The following OR52E5 variants were observed in gnomAD, a reference collection of about 807,000 sequenced individuals.
The protein encoded by OR52E5 is olfactory receptor 52E5.
chr11:5,899,280 T>G (rs778543500), intron 2 of OR52E5, among the ~76,000 whole-genome samples: 25 of 152,314 alleles, frequency 1.6e-4, no homozygotes, highest in Non-Finnish European at 3.4e-4. Flanking sequence ...GTTGATTTTG[T>G]GATACTAACT....
intron 2 of OR52E5, among the ~76,000 whole-genome samples, chr11:5,896,494 A>T (rs1008919442): frequency 6.6e-6 from 1 of 151,924 alleles, no homozygotes; most frequent in Non-Finnish European, 1.5e-5. Context: ...AATCTTTGTA[A>T]CTGTAAGGAT....
At chr11:5,893,967 T>C (rs1313182149) in intron 1 of OR52E5, among the ~76,000 whole-genome samples, 1 of 152,162 alleles carries the variant, frequency 6.6e-6, no homozygotes, top group African/African-American at 2.4e-5. Flanking sequence ...GGCTTCTTTA[T>C]AAGCATATTT....
At position 5,895,671 on chromosome 11, in the gene OR52E5, C is replaced by T. The variant is rs77212005; in HGVS notation, c.-188C>T. 2.0e-5 allele frequency: 3 copies of T among 152,136 alleles called. No individual in the cohort carries two copies. Among genetic ancestry groups the T allele is most frequent in the Non-Finnish European group, 4.4e-5 (3 of 68,030 alleles). 9.4% of individuals were successfully genotyped at this position (152,136 alleles called of 1,614,324 possible). On this transcript the variant is annotated 5_prime_UTR_variant, in exon 2 of 3. Transcript: ENST00000610445. ...TATTGGCATTTATGGTTGACCCCTG[C>T]GGAAGCATTACATTGGAGGAAACAC...
At position 5,901,318 on chromosome 11, in the gene OR52E5, G is replaced by A. The variant is rs536856612; in HGVS notation, c.542G>A (p.Cys181Tyr). Residue 181 changes from cysteine (C) to tyrosine (Y), a missense_variant, in exon 3 of 3, where the codon TGT (cysteine) becomes TAT (tyrosine). Coordinates refer to ENST00000610445, the MANE Select transcript of OR52E5 (RefSeq NM_001005166.5). ...GTCCGGATTATCCCTCATACCTATT[G>A]TGAACACATGGGCTTGGCAAAGTTA... Reference protein sequence around the residue: ...CGVRIIPHTYCEHMGLAKLAC... With the variant: ...CGVRIIPHTYYEHMGLAKLAC... The A allele has an allele frequency of 6.0e-5, 24 of 401,708 alleles. No homozygotes were observed. Among genetic ancestry groups the A allele is most frequent in the African/African-American group, 4.5e-4 (22 of 48,774 alleles). The allele number at this position is 401,708 out of a possible 1,614,324, so 24.9% of individuals were successfully genotyped here.
intron 2 of OR52E5, among the ~76,000 whole-genome samples, chr11:5,897,316 T>C (rs936796852): frequency 1.3e-5 from 2 of 152,232 alleles, no homozygotes; most frequent in African/African-American, 4.8e-5. Flanking sequence ...CTCTAGTGTC[T>C]GTTGTTTCCA....
At chr11:5,900,547 C>T (rs989961519) in intron 2 of OR52E5, 85 bp from the exon 3 acceptor site, 9 of 357,920 alleles carry the variant, frequency 2.5e-5, no homozygotes, top group Non-Finnish European at 4.0e-5. Flanking sequence ...ATTTTGGAAA[C>T]TTTCTGCATG....
chr11:5,901,716 T>G lies in OR52E5; in HGVS notation c.940T>G (p.Phe314Val), dbSNP rs964991420. 4.7e-5 allele frequency: 19 copies of G among 400,848 alleles called. No homozygotes were observed. Among genetic ancestry groups the G allele is most frequent in the Non-Finnish European group, 7.5e-5 (17 of 226,226 alleles). 24.8% of individuals were successfully genotyped at this position (400,848 alleles called of 1,614,324 possible). A position where few individuals can be genotyped will look rare whatever the true frequency, so the allele number is the denominator to read the frequency against. Residue 314 changes from phenylalanine (F) to valine (V), a missense_variant, in exon 3 of 3, where the codon TTT (phenylalanine) becomes GTT (valine). Transcript: ENST00000610445. ...ACTCAACCCTAAAAGCTTTTGGCATTTTGACCCCAAGAGGATCTTCCACAA... is the reference window on the plus strand; with the variant it reads ...ACTCAACCCTAAAAGCTTTTGGCATGTTGACCCCAAGAGGATCTTCCACAA... The part of the protein sequence containing the change: ...RILNPKSFWH[F>V]DPKRIFHNNS...
chr11:5,894,577 G>C (rs2134287068), intron 1 of OR52E5, among the ~76,000 whole-genome samples: 1 of 152,266 alleles, frequency 6.6e-6, no homozygotes, highest in African/African-American at 2.4e-5. Flanking sequence ...TATGAAGAAA[G>C]ACATAGAGAA....
chr11:5,896,036 G>A (rs1397135407), intron 2 of OR52E5, among the ~76,000 whole-genome samples: 1 of 151,826 alleles, frequency 6.6e-6, no homozygotes, highest in Non-Finnish European at 1.5e-5. Context: ...GAAACAGAGA[G>A]AGACTCCATC....
intron 1 of OR52E5, among the ~76,000 whole-genome samples, chr11:5,895,289 AG>A (rs1847158658): frequency 6.6e-6 from 1 of 152,244 alleles, no homozygotes; most frequent in Non-Finnish European, 1.5e-5. Flanking sequence ...GAAAAATAAT[AG>A]CTGTTGGATT....
At chr11:5,898,447 T>A (rs888765778) in intron 2 of OR52E5, among the ~76,000 whole-genome samples, 1 of 152,192 alleles carries the variant, frequency 6.6e-6, no homozygotes, top group African/African-American at 2.4e-5. Context: ...TGTAAGTAAA[T>A]CCCATTTGTT....
intron 2 of OR52E5, among the ~76,000 whole-genome samples, chr11:5,897,001 C>A (rs149199043): frequency 1.4e-4 from 22 of 152,230 alleles, no homozygotes; most frequent in African/African-American, 5.1e-4. Flanking sequence ...TAGTAAAAGA[C>A]AAAATGTAAA....
chr11:5,895,898 A>T (rs1190403466), intron 2 of OR52E5, among the ~76,000 whole-genome samples, 185 bp downstream of exon 2: 1 of 152,044 alleles, frequency 6.6e-6, no homozygotes, highest in African/African-American at 2.4e-5. Flanking sequence ...AAAATACAAA[A>T]ATTAGCCGGG....
rs1847236226 is a variant in OR52E5, at chr11:5,900,616, C to T, written c.-145-16C>T. The stretch of plus-strand genomic sequence containing the variant: ...TGAGAGTGTCTTTTTAACTATATTT[C>T]ATATTCCCTCTCTAGGTCTCTTATG... On this transcript the variant is annotated splice_polypyrimidine_tract_variant and intron_variant, in intron 2 of 2. Coordinates refer to ENST00000610445, the MANE Select transcript of OR52E5 (RefSeq NM_001005166.5). The T allele has an allele frequency of 2.5e-6, 1 of 394,236 alleles. No individual in the cohort carries two copies. The highest frequency in any genetic ancestry group is 3.6e-5 in the East Asian group (1 of 27,894). 24.4% of individuals were successfully genotyped at this position (394,236 alleles called of 1,614,324 possible).
intron 2 of OR52E5, among the ~76,000 whole-genome samples, 154 bp downstream of exon 2, chr11:5,895,867 A>G (rs532023336): frequency 2.7e-4 from 41 of 152,258 alleles, no homozygotes; most frequent in African/African-American, 9.6e-4. Flanking sequence ...GTTCAAGGCC[A>G]GCCTGGCCTT....
At position 5,902,152 on chromosome 11, in the gene OR52E5, T is replaced by C. The variant is rs1219957269; in HGVS notation, c.*392T>C. On this transcript the variant is annotated 3_prime_UTR_variant, in exon 3 of 3. Transcript: ENST00000610445. Reference sequence around the variant, plus strand: ...AGTGGCAAGAGAAATTAACTAGGAGTCATAAGATCTAGATTTAAATACAGG... The same window carrying C: ...AGTGGCAAGAGAAATTAACTAGGAGCCATAAGATCTAGATTTAAATACAGG... 1 of 158,918 alleles carries C rather than the reference T, an allele frequency of 6.3e-6. No individual in the cohort carries two copies. The highest frequency in any genetic ancestry group is 1.9e-4 in the East Asian group (1 of 5,398). The allele number at this position is 158,918 out of a possible 1,614,324, so 9.8% of individuals were successfully genotyped here. A position where few individuals can be genotyped will look rare whatever the true frequency, so the allele number is the denominator to read the frequency against.
chr11:5,900,687 T>C lies in OR52E5; in HGVS notation c.-90T>C, dbSNP rs927793288. On this transcript the variant is annotated 5_prime_UTR_variant, in exon 3 of 3. It removes the in-frame stop codon of an upstream open reading frame in the 5' UTR. Transcript: ENST00000610445. ...ATGGATTTTCTGTTTCCCCAAGAAA[T>C]AGACACCATGCTGTGAAAGAAGTTA... 7 of 397,908 alleles carry C rather than the reference T, an allele frequency of 1.8e-5. No individual in the cohort carries two copies. The highest frequency in any genetic ancestry group is 3.1e-5 in the Non-Finnish European group (7 of 225,886). The allele number at this position is 397,908 out of a possible 1,614,324, so 24.6% of individuals were successfully genotyped here. A position where few individuals can be genotyped will look rare whatever the true frequency, so the allele number is the denominator to read the frequency against.
At chr11:5,899,170 T>C (rs1469250172) in intron 2 of OR52E5, among the ~76,000 whole-genome samples, 2 of 152,226 alleles carry the variant, frequency 1.3e-5, no homozygotes, top group Non-Finnish European at 2.9e-5. Context: ...TATTTCTACA[T>C]ATTTTATTAT....
At position 5,893,262 on chromosome 11, in the gene OR52E5, G is replaced by C. The variant is rs985517629; in HGVS notation, c.-236G>C. 6.6e-6 allele frequency: 1 copy of C among 152,236 alleles called. No homozygotes were observed. The highest frequency in any genetic ancestry group is 1.5e-5 in the Non-Finnish European group (1 of 68,152). 9.4% of individuals were successfully genotyped at this position (152,236 alleles called of 1,614,324 possible). A position where few individuals can be genotyped will look rare whatever the true frequency, so the allele number is the denominator to read the frequency against. ...CCTTCACAGACAATTTCTCAGATGC[G>C]GGGCAGAGGTAGGTGAGTCAGCTCC... On this transcript the variant is annotated 5_prime_UTR_variant, in exon 1 of 3. Transcript: ENST00000610445.
Sources: gnomAD v4.1 joint callset for allele counts (sites outside exome capture counted in the v4.1 genomes callset) on GRCh38, gnomAD v4.1.1 for gene constraint, MANE v1.5 for transcripts, NCBI Gene and HGNC (gene_info 2026-07-23, HGNC 2026-07-21) for gene names.